MSL2: variants seen among roughly 807,000 people sequenced by gnomAD.
The protein encoded by MSL2 is E3 ubiquitin-protein ligase MSL2.
Under a neutral mutation model 35.8 loss-of-function variants are expected in MSL2, and 2 were observed. The ratio of observed to expected loss-of-function variants is 0.06; its 90% CI spans 0.02 to 0.18. The LOEUF is 0.18. MSL2 is among the 10% of genes least tolerant of loss of function. The pLI, the probability that MSL2 is intolerant of heterozygous loss-of-function variation, is 1.00. For synonymous variants in MSL2, 296 were observed against 255.7 expected, an observed-to-expected ratio of 1.16 and a Z score of -1.50; for missense variants, 523 against 706.7, an observed-to-expected ratio of 0.74 and a Z score of 2.95.
rs762498849 is a variant in MSL2, at chr3:136,151,527, C to A, written c.1354G>T (p.Val452Leu). The A allele has an allele frequency of 6.2e-7, 1 of 1,614,212 alleles. No individual in the cohort carries two copies. The highest frequency in any genetic ancestry group is 1.7e-5 in the Admixed American group (1 of 60,016). ...HFMPGSPTKT[V>L]YKKPQEKKGC... is the part of the protein sequence containing the mutation. ...TTCTTTTCCTGGGGTTTTTTGTACA[C>A]AGTCTTGGTAGGACTTCCTGGCATA... Residue 452 changes from valine to leucine, a missense_variant, in exon 2 of 2, where the codon GTG becomes TTG. By Grantham distance (32) the Val-to-Leu change is conservative. Coordinates refer to ENST00000309993, the MANE Select transcript of MSL2 (RefSeq NM_018133.4). The surrounding 1 kb of genome is among the most constrained non-coding windows in gnomAD (Gnocchi z 5.2).
intron 1 of MSL2, among the ~76,000 whole-genome samples, chr3:136,184,571 C>A (rs1328896983): frequency 1.3e-5 from 2 of 151,946 alleles, no homozygotes; most frequent in Non-Finnish European, 2.9e-5. Flanking sequence ...CCATTGCACT[C>A]CAGCCTGGAC....
chr3:136,195,699 C>T lies in MSL2; in HGVS notation c.-586G>A. 2.0e-6 allele frequency: 2 copies of T among 984,930 alleles called. No homozygotes were observed. The highest frequency in any genetic ancestry group is 1.2e-6 in the Non-Finnish European group (1 of 829,604). The allele number at this position is 984,930 out of a possible 1,614,324, so 61.0% of individuals were successfully genotyped here. A position where few individuals can be genotyped will look rare whatever the true frequency, so the allele number is the denominator to read the frequency against. The stretch of plus-strand genomic sequence containing the variant: ...CGACGAAGGTTGATGTTGCGGCTGG[C>T]GGACGCCGCCGCCGCGCTCTCCATA... On this transcript the variant is annotated 5_prime_UTR_variant, in exon 1 of 2. Transcript: ENST00000309993.
intron 1 of MSL2, among the ~76,000 whole-genome samples, chr3:136,160,453 C>T (rs1939678466): frequency 1.3e-5 from 2 of 150,056 alleles, no homozygotes; most frequent in African/African-American, 2.4e-5. Context: ...GCAAGCCAGG[C>T]GTGGGGGCTC....
intron 1 of MSL2, among the ~76,000 whole-genome samples, chr3:136,165,576 C>T (rs1939823674): frequency 6.6e-6 from 1 of 152,046 alleles, no homozygotes. Context: ...TTTTTTAATG[C>T]TCTTAATGAG....
intron 1 of MSL2, among the ~76,000 whole-genome samples, chr3:136,174,677 C>T (rs1291231192): frequency 6.6e-6 from 1 of 152,170 alleles, no homozygotes; most frequent in African/African-American, 2.4e-5. Flanking sequence ...AAATTCTCTA[C>T]ACACTAACTT....
chr3:136,194,872 C>G (rs1259234584), intron 1 of MSL2, 100 bp downstream of exon 1: 1 of 1,543,430 alleles, frequency 6.5e-7, no homozygotes, highest in Non-Finnish European at 8.8e-7. Flanking sequence ...ATAACAAAAG[C>G]TTAATACCAA....
intron 1 of MSL2, among the ~76,000 whole-genome samples, chr3:136,187,971 A>G (rs540506431): frequency 2.6e-5 from 4 of 152,298 alleles, no homozygotes; most frequent in African/African-American, 9.6e-5. Flanking sequence ...AAACGGGTCT[A>G]CAGGGTGAAT....
At chr3:136,180,171 C>T (rs1334228010) in intron 1 of MSL2, among the ~76,000 whole-genome samples, 1 of 152,134 alleles carries the variant, frequency 6.6e-6, no homozygotes, top group African/African-American at 2.4e-5. Context: ...GCAAAACTGC[C>T]TATGTACCCT....
intron 1 of MSL2, among the ~76,000 whole-genome samples, chr3:136,193,898 A>C (rs776294705): frequency 3.9e-5 from 6 of 152,186 alleles, no homozygotes; most frequent in Non-Finnish European, 5.9e-5. Context: ...TTCTGCACCC[A>C]TTCAGTGTCT....
Position 136,150,866 on chromosome 3 carries a change from G to A in MSL2, c.*281C>T. 2.7e-6 allele frequency: 1 copy of A among 366,788 alleles called. No homozygotes were observed. The highest frequency in any genetic ancestry group is 5.2e-5 in the South Asian group (1 of 19,090). 22.7% of individuals were successfully genotyped at this position (366,788 alleles called of 1,614,324 possible). ...CATGGCCATAAACAATGAGGTTAAT[G>A]TTATTTTTCTTGCCAAAGTTCATTT... On this transcript the variant is annotated 3_prime_UTR_variant, in exon 2 of 2. Coordinates refer to ENST00000309993, the MANE Select transcript of MSL2 (RefSeq NM_018133.4).
chr3:136,174,188 G>T (rs758164504), intron 1 of MSL2, among the ~76,000 whole-genome samples: 3 of 152,154 alleles, frequency 2.0e-5, no homozygotes, highest in Admixed American at 6.5e-5. Flanking sequence ...ACATAAGCCA[G>T]CACCTAATAA....
At position 136,151,582 on chromosome 3, in the gene MSL2, T is replaced by A. The variant is rs1455985284; in HGVS notation, c.1299A>T (p.Ala433=). The A allele has an allele frequency of 6.2e-7, 1 of 1,614,090 alleles. No homozygotes were observed. Among genetic ancestry groups the A allele is most frequent in the East Asian group, 2.2e-5 (1 of 44,902 alleles). Residue 433 remains alanine, a synonymous_variant, in exon 2 of 2, where the codon GCA becomes GCT. Coordinates refer to ENST00000309993, the MANE Select transcript of MSL2 (RefSeq NM_018133.4). The surrounding 1 kb of genome is among the most constrained non-coding windows in gnomAD (Gnocchi z 5.2). ...TKPGILKKDK[A]VKEKIPSHHF... is the part of the protein sequence containing the mutation. ...GATGACTAGGAATCTTTTCCTTTACTGCTTTGTCTTTTTTAAGAATACCTG... is the reference window on the plus strand; with the variant it reads ...GATGACTAGGAATCTTTTCCTTTACAGCTTTGTCTTTTTTAAGAATACCTG...
chr3:136,188,249 C>T (rs1576376553), intron 1 of MSL2, among the ~76,000 whole-genome samples: 2 of 152,120 alleles, frequency 1.3e-5, no homozygotes, highest in African/African-American at 2.4e-5. Flanking sequence ...TCCTGGCCAA[C>T]ATGGTGAAAC....
intron 1 of MSL2, among the ~76,000 whole-genome samples, chr3:136,157,196 T>C (rs1002618335): frequency 2.7e-5 from 4 of 149,034 alleles, no homozygotes; most frequent in South Asian, 2.1e-4. Context: ...GAGGCCAAGG[T>C]GGGCTGATCA....
At chr3:136,194,640 A>G in intron 1 of MSL2, 1 of 280,494 alleles carries the variant, frequency 3.6e-6, no homozygotes, top group Non-Finnish European at 6.3e-6. Flanking sequence ...GTACGTAATC[A>G]GCTCCCGCGG....
At chr3:136,177,481 T>C (rs1940208852) in intron 1 of MSL2, among the ~76,000 whole-genome samples, 1 of 151,924 alleles carries the variant, frequency 6.6e-6, no homozygotes, top group Non-Finnish European at 1.5e-5. Context: ...GAGACCATCC[T>C]GGCTAACAAG....
rs1940805577 is a variant in MSL2 at position 136,195,357 on chromosome 3, G to C, written c.-244C>G. The C allele has an allele frequency of 1.6e-6, 2 of 1,265,980 alleles. No individual in the cohort carries two copies. The highest frequency in any genetic ancestry group is 2.0e-6 in the Non-Finnish European group (2 of 1,004,508). The allele number at this position is 1,265,980 out of a possible 1,614,324, so 78.4% of individuals were successfully genotyped here. ...CCAAAAATATGAGAGAGAAACCAGC[G>C]TTCGAGTTCGTCCGGAGCGACCACA... On this transcript the variant is annotated 5_prime_UTR_variant, in exon 1 of 2. Transcript: ENST00000309993.
At position 136,152,423 on chromosome 3, in the gene MSL2, A is replaced by G. The variant is rs1453140550; in HGVS notation, c.458T>C (p.Leu153Ser). 1.9e-6 allele frequency: 3 copies of G among 1,614,208 alleles called. No individual in the cohort carries two copies. The highest frequency in any genetic ancestry group is 2.5e-6 in the Non-Finnish European group (3 of 1,180,020). The change falls in exon 2 of 2, where the codon TTG becomes TCG. Residue 153 changes from leucine (L) to serine (S), a missense_variant. Physicochemically the swap from Leu to Ser is moderately radical, Grantham distance 145 (BLOSUM62 -2). This residue lies in a region of MSL2 where 361 missense variants were observed against 414.6 expected (regional missense o/e 0.87). Transcript: ENST00000309993. ...TEKPSDSSFT[L>S]CLTHSPLPST... is the part of the protein sequence containing the mutation. ...AGGTAAAGGGGAATGTGTCAAACAC[A>G]AAGTAAAGGATGAATCTGAGGGTTT...
At chr3:136,159,212 G>C (rs1559959178) in intron 1 of MSL2, among the ~76,000 whole-genome samples, 1 of 152,088 alleles carries the variant, frequency 6.6e-6, no homozygotes. Context: ...TAGTAATCAA[G>C]ACAGTGTGGT....
Sources: allele counts gnomAD v4.1 joint callset (sites outside exome capture counted in the v4.1 genomes callset), GRCh38; gene constraint gnomAD v4.1.1; regional missense constraint gnomAD v4.1.1; non-coding constraint Gnocchi (gnomAD v3.1); transcripts MANE v1.5; gene names NCBI Gene and HGNC (gene_info 2026-07-23, HGNC 2026-07-21).